Variants in COMMD6 observed in about 807,000 individuals in gnomAD.
COMMD6 encodes the protein COMM domain-containing protein 6.
In COMMD6, 11 loss-of-function variants were observed where a neutral mutation model predicts 13.4. The ratio of observed to expected loss-of-function variants is 0.82; its 90% CI spans 0.52 to 1.36. The LOEUF (loss-of-function observed/expected upper bound fraction) is 1.36. Among genes scored for constraint, COMMD6 ranks in the 40% most tolerant of loss-of-function variants. The pLI is 0.00. For synonymous variants in COMMD6, 43 were observed against 36.5 expected, an observed-to-expected ratio of 1.18 and a Z score of -0.64; for missense variants, 124 against 102.4, an observed-to-expected ratio of 1.21 and a Z score of -0.91.
At chr13:75,536,766 T>G (rs139738020) in intron 2 of COMMD6, among the ~76,000 whole-genome samples, 2 of 152,220 alleles carry the variant, frequency 1.3e-5, no homozygotes, top group African/African-American at 4.8e-5. Flanking sequence ...AATAAATTTG[T>G]GTTTAAGCCA....
At chr13:75,538,930 A>C (rs1384945338), upstream of COMMD6, 2 of 152,214 alleles carry the variant, frequency 1.3e-5, no homozygotes, top group African/African-American at 4.8e-5. Flanking sequence ...TTTCAGCCTC[A>C]ATTCAGGTTG....
chr13:75,544,171 G>A (rs995244419), intron 1 of COMMD6, among the ~76,000 whole-genome samples: 2 of 152,064 alleles, frequency 1.3e-5, no homozygotes, highest in African/African-American at 4.8e-5. Context: ...GCAGAACCGG[G>A]AATAAGCATG....
upstream of COMMD6, chr13:75,537,882 C>G: frequency 6.8e-7 from 1 of 1,470,174 alleles, no homozygotes; most frequent in Non-Finnish European, 9.1e-7. Flanking sequence ...CGTCCTGCCC[C>G]TAGCGGCCTG....
intron 2 of COMMD6, chr13:75,530,535 T>TCG (rs1363211328): frequency 1.7e-5 from 4 of 237,386 alleles, no homozygotes; most frequent in Non-Finnish European, 3.2e-5. Context: ...CTCCAATGTA[T>TCG]AACGGAAGTG....
chr13:75,548,310 G>C (rs1228659627), intron 1 of COMMD6, among the ~76,000 whole-genome samples: 2 of 152,198 alleles, frequency 1.3e-5, no homozygotes. Flanking sequence ...ATTAGATAAC[G>C]ATGAAGAGGA....
upstream of COMMD6, chr13:75,538,913 G>C (rs939616151): frequency 5.3e-5 from 8 of 152,292 alleles, no homozygotes; most frequent in African/African-American, 1.9e-4. Context: ...ACAGGGGTGG[G>C]ATCTGCTTTC....
chr13:75,526,570 T>C lies in COMMD6; in HGVS notation c.*19A>G. The C allele has an allele frequency of 6.4e-7, 1 of 1,565,598 alleles. No individual in the cohort carries two copies. The highest frequency in any genetic ancestry group is 8.7e-7 in the Non-Finnish European group (1 of 1,145,960). ...ATGACTTTAGAATGATAGCAATTTA[T>C]CAACCAAAGAATCCGTCTTCACACC... On this transcript the variant is annotated 3_prime_UTR_variant, in exon 4 of 4. Coordinates refer to ENST00000682242, the MANE Select transcript of COMMD6 (RefSeq NM_203495.4).
Position 75,526,210 on chromosome 13 carries a change from T to C in COMMD6, c.*379A>G, listed in dbSNP as rs556527404. 1 of 156,242 alleles carries C rather than the reference T, an allele frequency of 6.4e-6. No individual in the cohort carries two copies. The highest frequency in any genetic ancestry group is 2.4e-5 in the African/African-American group (1 of 41,628). 9.7% of individuals were successfully genotyped at this position (156,242 alleles called of 1,614,324 possible). A position where few individuals can be genotyped will look rare whatever the true frequency, so the allele number is the denominator to read the frequency against. ...TACTTTTCTAATTTATATATATTTT[T>C]ATATACATGACTCCAAATAAGACTG... is the stretch of plus-strand genomic sequence containing the variant. On this transcript the variant is annotated 3_prime_UTR_variant, in exon 4 of 4. Transcript: ENST00000682242.
At chr13:75,528,852 C>G (rs1202934358) in intron 3 of COMMD6, among the ~76,000 whole-genome samples, 1 of 115,414 alleles carries the variant, frequency 8.7e-6, no homozygotes, top group Admixed American at 8.9e-5. Flanking sequence ...AACTGTGTCC[C>G]AAAAAAAAAG....
At chr13:75,536,751 A>G (rs2030676070) in intron 2 of COMMD6, among the ~76,000 whole-genome samples, 1 of 152,250 alleles carries the variant, frequency 6.6e-6, no homozygotes, top group Non-Finnish European at 1.5e-5. Context: ...CCAGAACTAT[A>G]AGATAATAAA....
chr13:75,535,014 AT>A (rs2030613379), intron 2 of COMMD6, among the ~76,000 whole-genome samples: 1 of 152,264 alleles, frequency 6.6e-6, no homozygotes, highest in African/African-American at 2.4e-5. Flanking sequence ...TAATGGTAGT[AT>A]TATAGCGTGA....
chr13:75,547,091 G>A (rs1196340607), intron 1 of COMMD6, among the ~76,000 whole-genome samples: 2 of 152,140 alleles, frequency 1.3e-5, no homozygotes, highest in African/African-American at 4.8e-5. Flanking sequence ...TCTAATATGT[G>A]TATTTTCTCT....
intron 2 of COMMD6, among the ~76,000 whole-genome samples, chr13:75,533,032 G>C (rs1401620857): frequency 2.0e-5 from 3 of 150,868 alleles, no homozygotes; most frequent in Non-Finnish European, 2.9e-5. Flanking sequence ...CCGGGTTCAC[G>C]CCATTCTCCT....
intron 3 of COMMD6, chr13:75,527,690 C>A: frequency 9.5e-7 from 1 of 1,048,394 alleles, no homozygotes; most frequent in Non-Finnish European, 1.2e-6. Context: ...GAAGGAAATC[C>A]TGCCATTTGC....
chr13:75,531,924 A>T (rs143355712), intron 2 of COMMD6, among the ~76,000 whole-genome samples: 3 of 152,380 alleles, frequency 2.0e-5, no homozygotes, highest in Non-Finnish European at 4.4e-5. Context: ...AGCTTTATTC[A>T]TAATAGCCCT....
intron 3 of COMMD6, among the ~76,000 whole-genome samples, chr13:75,528,123 T>G (rs921779040): frequency 4.0e-5 from 6 of 151,608 alleles, no homozygotes; most frequent in Non-Finnish European, 5.9e-5. Flanking sequence ...CTTTACACAA[T>G]GTATATCTTT....
intron 2 of COMMD6, among the ~76,000 whole-genome samples, chr13:75,534,938 G>A (rs2030611268): frequency 6.6e-6 from 1 of 152,222 alleles, no homozygotes; most frequent in Non-Finnish European, 1.5e-5. Context: ...AATTAGGGAT[G>A]TAAAAAATAG....
chr13:75,545,247 T>C (rs2030889051), intron 1 of COMMD6, among the ~76,000 whole-genome samples: 1 of 152,214 alleles, frequency 6.6e-6, no homozygotes, highest in African/African-American at 2.4e-5. Context: ...ATGAATGAGT[T>C]ACAGGTATAC....
At chr13:75,534,712 T>G (rs1462316769) in intron 2 of COMMD6, among the ~76,000 whole-genome samples, 1 of 152,038 alleles carries the variant, frequency 6.6e-6, no homozygotes, top group East Asian at 1.9e-4. Context: ...GTAAAATGAA[T>G]ATAAAGAATA....
Sources: gnomAD v4.1 joint callset for allele counts (sites outside exome capture counted in the v4.1 genomes callset) on GRCh38, gnomAD v4.1.1 for gene constraint, MANE v1.5 for transcripts, NCBI Gene and HGNC (gene_info 2026-07-23, HGNC 2026-07-21) for gene names.